PTPRD: variants seen among roughly 807,000 people sequenced by gnomAD.
The protein encoded by PTPRD is receptor-type tyrosine-protein phosphatase delta.
In PTPRD, 34 loss-of-function variants were observed where a neutral mutation model predicts 214.5. The ratio of observed to expected loss-of-function variants is 0.16; its 90% CI spans 0.12 to 0.21. The LOEUF (loss-of-function observed/expected upper bound fraction) is 0.21. Among genes scored for constraint, PTPRD ranks in the 10% least tolerant of loss-of-function variants. PTPRD has a pLI of 1.00. For missense variants in PTPRD, 2,545 were observed against 2,398.7 expected (o/e 1.06, Z -1.27); for synonymous variants, 1,128 against 845.7 (o/e 1.33, Z -5.79).
At chr9:10,408,016 A>G (rs1755953935) in intron 2 of PTPRD, among the ~76,000 whole-genome samples, 1 of 151,620 alleles carries the variant, frequency 6.6e-6, no homozygotes, top group Admixed American at 6.6e-5. Flanking sequence ...ATGTGTATAC[A>G]TATCACACAT....
chr9:10,101,685 A>C (rs2098553297), intron 3 of PTPRD, among the ~76,000 whole-genome samples: 1 of 151,748 alleles, frequency 6.6e-6, no homozygotes, highest in Non-Finnish European at 1.5e-5. Flanking sequence ...TTTAAGGGTG[A>C]AACAACCACA....
chr9:9,943,800 A>C (rs770782423), intron 4 of PTPRD, among the ~76,000 whole-genome samples: 3 of 152,254 alleles, frequency 2.0e-5, no homozygotes, highest in Non-Finnish European at 4.4e-5. Flanking sequence ...TAGACAACTG[A>C]AAAATCCTTT....
chr9:10,314,198 T>C (rs1320659928), intron 3 of PTPRD, among the ~76,000 whole-genome samples: 1 of 151,866 alleles, frequency 6.6e-6, no homozygotes, highest in Non-Finnish European at 1.5e-5. Flanking sequence ...CAAAATGCAT[T>C]TGTATGGGAA....
intron 3 of PTPRD, among the ~76,000 whole-genome samples, chr9:10,068,219 T>G (rs950964235): frequency 1.3e-5 from 2 of 151,896 alleles, no homozygotes; most frequent in Non-Finnish European, 2.9e-5. Flanking sequence ...TGATCTGAGC[T>G]TACATTCCAA....
chr9:9,821,446 T>C (rs2050700555), intron 5 of PTPRD, among the ~76,000 whole-genome samples: 1 of 152,198 alleles, frequency 6.6e-6, no homozygotes, highest in Non-Finnish European at 1.5e-5. Context: ...TCCATTATGT[T>C]TGGAAAGCTT....
intron 10 of PTPRD, among the ~76,000 whole-genome samples, chr9:9,025,231 A>C (rs1398983894): frequency 2.0e-5 from 3 of 151,816 alleles, no homozygotes; most frequent in Non-Finnish European, 4.4e-5. Flanking sequence ...TTTTCTTGAC[A>C]TTTTTTCTAA....
At chr9:8,731,235 C>T (rs1356100461) in intron 12 of PTPRD, among the ~76,000 whole-genome samples, 1 of 152,188 alleles carries the variant, frequency 6.6e-6, no homozygotes, top group Non-Finnish European at 1.5e-5. Flanking sequence ...ATTAAATTAA[C>T]ATGGCAAACT....
chr9:9,745,716 C>T (rs965756480), intron 6 of PTPRD, among the ~76,000 whole-genome samples: 2 of 152,112 alleles, frequency 1.3e-5, no homozygotes, highest in Non-Finnish European at 2.9e-5. Context: ...CTTTGCCTAC[C>T]TTTCTGGCCT....
intron 10 of PTPRD, among the ~76,000 whole-genome samples, chr9:9,116,127 C>T (rs1030168252): frequency 2.0e-5 from 3 of 152,000 alleles, no homozygotes; most frequent in African/African-American, 4.8e-5. Flanking sequence ...ACCTGGGTAA[C>T]GGGATCATTC....
intron 8 of PTPRD, among the ~76,000 whole-genome samples, chr9:9,463,794 G>T (rs942342276): frequency 6.6e-6 from 1 of 151,526 alleles, no homozygotes; most frequent in African/African-American, 2.4e-5. Context: ...AAACACAGAA[G>T]TTTACTATCC....
intron 3 of PTPRD, among the ~76,000 whole-genome samples, chr9:10,336,344 T>C (rs2096843234): frequency 6.6e-6 from 1 of 151,566 alleles, no homozygotes. Context: ...AGAAGGAGAA[T>C]ACCAGTTTTG....
chr9:9,836,966 C>T (rs536113150), intron 5 of PTPRD, among the ~76,000 whole-genome samples: 91 of 152,180 alleles, frequency 6.0e-4, no homozygotes, highest in African/African-American at 2.2e-3. Flanking sequence ...TGGTAAAAAG[C>T]CTCACCTATG....
intron 2 of PTPRD, among the ~76,000 whole-genome samples, chr9:10,573,291 A>G (rs1226414379): frequency 6.6e-6 from 1 of 152,202 alleles, no homozygotes; most frequent in African/African-American, 2.4e-5. Flanking sequence ...AATGTTATTT[A>G]ATCCCAATAA....
chr9:10,169,581 A>G (rs894833369), intron 3 of PTPRD, among the ~76,000 whole-genome samples: 1 of 152,066 alleles, frequency 6.6e-6, no homozygotes, highest in Non-Finnish European at 1.5e-5. Context: ...TGAAAAAATT[A>G]TAAAATAGGT....
intron 9 of PTPRD, among the ~76,000 whole-genome samples, chr9:9,289,502 C>G (rs1456588425): frequency 6.6e-6 from 1 of 151,726 alleles, no homozygotes; most frequent in African/African-American, 2.4e-5. Context: ...TGTGTCTGCT[C>G]TCTTCAAATT....
chr9:8,789,754 G>C (rs766897339), intron 11 of PTPRD, among the ~76,000 whole-genome samples: 2 of 152,046 alleles, frequency 1.3e-5, no homozygotes, highest in African/African-American at 2.4e-5. Context: ...ATCCCATATC[G>C]GGAGGGGGTG....
intron 11 of PTPRD, among the ~76,000 whole-genome samples, chr9:8,858,812 C>CAT (rs2098022235): frequency 6.7e-6 from 1 of 150,036 alleles, no homozygotes; most frequent in African/African-American, 2.5e-5. Flanking sequence ...CACACACACA[C>CAT]ACACACACAC....
chr9:8,408,722 C>T (rs2130861868), intron 35 of PTPRD, among the ~76,000 whole-genome samples: 1 of 152,238 alleles, frequency 6.6e-6, no homozygotes, highest in Middle Eastern at 3.4e-3. Context: ...AGATGCCGCA[C>T]CATTTTACAT....
intron 11 of PTPRD, among the ~76,000 whole-genome samples, chr9:8,990,957 G>A (rs187475140): frequency 1.3e-5 from 2 of 152,032 alleles, no homozygotes; most frequent in African/African-American, 2.4e-5. Context: ...GCTCATGTCT[G>A]TAGTCCCAAC....
Sources: allele counts gnomAD v4.1 joint callset (sites outside exome capture counted in the v4.1 genomes callset), GRCh38; gene constraint gnomAD v4.1.1; transcripts MANE v1.5; gene names NCBI Gene and HGNC (gene_info 2026-07-23, HGNC 2026-07-21).